Variants in ZFAND3 observed in about 807,000 individuals in gnomAD.
The protein encoded by ZFAND3 is AN1-type zinc finger protein 3.
In ZFAND3, 10 loss-of-function variants were observed where a neutral mutation model predicts 29.6. The observed-to-expected ratio is 0.34, with a 90% CI of 0.21 to 0.57. The LOEUF is 0.57. Ranked by LOEUF, ZFAND3 falls within the 20% of genes least tolerant of loss-of-function variation. ZFAND3 has a pLI of 0.86. For synonymous variants in ZFAND3, 128 were observed against 112.6 expected, an observed-to-expected ratio of 1.14 and a Z score of -0.87; for missense variants, 230 against 304.5, an observed-to-expected ratio of 0.76 and a Z score of 1.82.
chr6:37,914,513 A>T (rs1761196735), intron 1 of ZFAND3, among the ~76,000 whole-genome samples: 1 of 151,604 alleles, frequency 6.6e-6, no homozygotes, highest in African/African-American at 2.4e-5. Flanking sequence ...TGATTTTTGT[A>T]TTTTTAGTAG....
chr6:37,927,601 G>A (rs1356622647), intron 1 of ZFAND3, among the ~76,000 whole-genome samples: 1 of 152,208 alleles, frequency 6.6e-6, no homozygotes, highest in African/African-American at 2.4e-5. Context: ...CAGGCATGTA[G>A]GATTTTCTTC....
At chr6:38,057,899 C>G (rs1039404671) in intron 2 of ZFAND3, among the ~76,000 whole-genome samples, 8 of 152,282 alleles carry the variant, frequency 5.3e-5, no homozygotes, top group African/African-American at 1.9e-4. Context: ...TCTTTGTGAG[C>G]AGCCAGTTGG....
At chr6:38,048,050 G>C (rs1763941830) in intron 2 of ZFAND3, among the ~76,000 whole-genome samples, 1 of 151,306 alleles carries the variant, frequency 6.6e-6, no homozygotes, top group Admixed American at 6.6e-5. Context: ...TGTTGTCCAG[G>C]CTGGAGTGCA....
chr6:38,091,601 G>A (rs561186891), intron 4 of ZFAND3, among the ~76,000 whole-genome samples: 1 of 147,404 alleles, frequency 6.8e-6, no homozygotes, highest in Non-Finnish European at 1.5e-5. Context: ...CCTTCCCAAA[G>A]CAGTCTTACC....
At position 38,152,850 on chromosome 6, in the gene ZFAND3, C is replaced by T. The variant is rs994950506; in HGVS notation, c.*461C>T. 15 of 986,092 alleles carry T rather than the reference C, an allele frequency of 1.5e-5. No homozygotes were observed. Among genetic ancestry groups the T allele is most frequent in the Middle Eastern group, 5.2e-4 (1 of 1,918 alleles). The allele number at this position is 986,092 out of a possible 1,614,324, so 61.1% of individuals were successfully genotyped here. A position where few individuals can be genotyped will look rare whatever the true frequency, so the allele number is the denominator to read the frequency against. On this transcript the variant is annotated 3_prime_UTR_variant, in exon 6 of 6. Transcript: ENST00000287218. ...CTTCACTTATCCTTAGTCCCAGTAG[C>T]CAGGATACCTGATGGCCACGTGTGC...
chr6:38,103,046 C>T (rs182946603), intron 4 of ZFAND3, among the ~76,000 whole-genome samples: 369 of 152,268 alleles, frequency 2.4e-3, no homozygotes, highest in African/African-American at 8.3e-3. Flanking sequence ...CGTGAGCCAC[C>T]GCGCCTGGCT....
At chr6:38,126,923 G>GTT (rs200448401) in intron 5 of ZFAND3, among the ~76,000 whole-genome samples, 11 of 142,468 alleles carry the variant, frequency 7.7e-5, no homozygotes, top group African/African-American at 2.5e-4. Flanking sequence ...TTTTTAGATT[G>GTT]TTTTTTTTTT....
At chr6:38,049,044 G>T (rs891153722) in intron 2 of ZFAND3, among the ~76,000 whole-genome samples, 2 of 152,006 alleles carry the variant, frequency 1.3e-5, no homozygotes, top group Admixed American at 1.3e-4. Context: ...ATGCCTTTAG[G>T]TGAGACTTAC....
intron 4 of ZFAND3, among the ~76,000 whole-genome samples, chr6:38,113,624 GTTGT>G (rs1440216972): frequency 6.6e-6 from 1 of 152,150 alleles, no homozygotes; most frequent in Non-Finnish European, 1.5e-5. Flanking sequence ...ATCAAAGTGG[GTTGT>G]TTGGTGATGA....
intron 4 of ZFAND3, among the ~76,000 whole-genome samples, chr6:38,114,511 T>C (rs972457658): frequency 6.6e-6 from 1 of 152,204 alleles, no homozygotes; most frequent in Non-Finnish European, 1.5e-5. Context: ...TTTAGTTGGT[T>C]TGTATTGGGG....
chr6:37,901,779 G>C (rs1201911852), intron 1 of ZFAND3, among the ~76,000 whole-genome samples: 1 of 152,208 alleles, frequency 6.6e-6, no homozygotes, highest in Non-Finnish European at 1.5e-5. Flanking sequence ...TCCATGTTCT[G>C]TTTGCTGCAT....
At chr6:37,976,584 C>CAGA in intron 2 of ZFAND3, among the ~76,000 whole-genome samples, 1 of 76,908 alleles carries the variant, frequency 1.3e-5, no homozygotes, top group South Asian at 5.2e-4. Context: ...ACACTGTCTC[C>CAGA]AAAAAAAAAA....
chr6:37,905,732 C>T (rs760826808), intron 1 of ZFAND3, among the ~76,000 whole-genome samples: 5 of 152,118 alleles, frequency 3.3e-5, no homozygotes, highest in Non-Finnish European at 7.4e-5. Flanking sequence ...TTAGGGTGTA[C>T]CACTTATTAG....
chr6:37,867,355 A>G (rs998905465), intron 1 of ZFAND3, among the ~76,000 whole-genome samples: 4 of 152,222 alleles, frequency 2.6e-5, no homozygotes, highest in Non-Finnish European at 5.9e-5. Flanking sequence ...AGAAGTGGCC[A>G]TGTCACTCTG....
chr6:37,864,655 GTATGTGTGTGGGTGTA>G (rs1255287945), intron 1 of ZFAND3, among the ~76,000 whole-genome samples: 2 of 151,796 alleles, frequency 1.3e-5, no homozygotes, highest in Non-Finnish European at 1.5e-5. Context: ...AAAAATATAT[GTATGTGTGTGGGTGTA>G]TATGTGTGTA....
chr6:37,880,917 C>G (rs1490427350), intron 1 of ZFAND3, among the ~76,000 whole-genome samples: 1 of 149,626 alleles, frequency 6.7e-6, no homozygotes, highest in African/African-American at 2.5e-5. Context: ...TGATAGATGA[C>G]ACGTTGGTGG....
intron 2 of ZFAND3, among the ~76,000 whole-genome samples, chr6:37,987,927 A>G (rs530211893): frequency 6.6e-6 from 1 of 152,292 alleles, no homozygotes; most frequent in Admixed American, 6.5e-5. Context: ...TTTTGAATAG[A>G]TTTAGTATTT....
intron 2 of ZFAND3, among the ~76,000 whole-genome samples, chr6:38,004,358 C>CAA (rs1763005658): frequency 6.6e-6 from 1 of 152,086 alleles, no homozygotes; most frequent in East Asian, 1.9e-4. Flanking sequence ...TTGGTGATAC[C>CAA]GTCAGTGTTC....
At chr6:38,035,650 T>G (rs777642186) in intron 2 of ZFAND3, among the ~76,000 whole-genome samples, 8 of 152,220 alleles carry the variant, frequency 5.3e-5, no homozygotes, top group Non-Finnish European at 1.2e-4. Context: ...CTTTTCTTTT[T>G]CTGTAATATG....
Sources: gnomAD v4.1 joint callset for allele counts (sites outside exome capture counted in the v4.1 genomes callset) on GRCh38, gnomAD v4.1.1 for gene constraint, MANE v1.5 for transcripts, NCBI Gene and HGNC (gene_info 2026-07-23, HGNC 2026-07-21) for gene names.